ITGAD: variants seen among roughly 807,000 people sequenced by gnomAD.
The protein encoded by ITGAD is integrin alpha-D.
In ITGAD, 105 loss-of-function variants were observed where a neutral mutation model predicts 139.0. The observed-to-expected ratio is 0.76, with a 90% CI of 0.65 to 0.89. The LOEUF is 0.89. Ranked by LOEUF, ITGAD falls within the 40% of genes least tolerant of loss-of-function variation. ITGAD has a pLI of 0.00. For synonymous variants in ITGAD, 569 were observed against 598.3 expected, an observed-to-expected ratio of 0.95 and a Z score of 0.71; for missense variants, 1,384 against 1,487.3, an observed-to-expected ratio of 0.93 and a Z score of 1.14.
intron 23 of ITGAD, among the ~76,000 whole-genome samples, chr16:31,422,177 C>T (rs1313735391): frequency 6.6e-6 from 1 of 151,460 alleles, no homozygotes; most frequent in Non-Finnish European, 1.5e-5. Context: ...TGGGCTCAAG[C>T]GATTCTTCTG....
chr16:31,412,364 T>A (rs532478904), intron 14 of ITGAD, among the ~76,000 whole-genome samples: 1 of 152,146 alleles, frequency 6.6e-6, no homozygotes. Flanking sequence ...TCAATTTCTA[T>A]CTCCACATCT....
At position 31,402,151 on chromosome 16, in the gene ITGAD, T is replaced by C. The variant is rs1256691709; in HGVS notation, c.464T>C (p.Ile155Thr). Residue 155 changes from isoleucine (I) to threonine (T), a missense_variant, in exon 6 of 30, where the codon ATT becomes ACT. By Grantham distance (89) the Ile-to-Thr change is moderately conservative. Transcript: ENST00000389202. ...CAAGAGATGGACATCGTCTTCCTGATTGACGGCTCTGGAAGCATTGACCAA... is the reference window on the plus strand; with the variant it reads ...CAAGAGATGGACATCGTCTTCCTGACTGACGGCTCTGGAAGCATTGACCAA... ...PHQEMDIVFL[I>T]DGSGSIDQND... The C allele has an allele frequency of 4.3e-6, 7 of 1,613,902 alleles. No homozygotes were observed. In the African/African-American group the frequency reaches 5.3e-5, roughly 12 times the overall value.
chr16:31,398,644 C>T (rs1161465044), intron 5 of ITGAD, among the ~76,000 whole-genome samples: 3 of 151,760 alleles, frequency 2.0e-5, no homozygotes, highest in Non-Finnish European at 4.4e-5. Flanking sequence ...TCACACCTGG[C>T]TAATTAAAAA....
rs147164387 is a variant in ITGAD at position 31,400,628 on chromosome 16, G to A, written c.428-1487G>A. On this transcript the variant is annotated intron_variant, in intron 5 of 29. Transcript: ENST00000389202. ...TGGGAATGTTCTTTTTTTTTGAGACGGAGTCTCACTCTGTCGCCCAGGCTG... is the reference window on the plus strand; with the variant it reads ...TGGGAATGTTCTTTTTTTTTGAGACAGAGTCTCACTCTGTCGCCCAGGCTG... 7.0e-3 allele frequency among the ~76,000 whole-genome samples: 1,066 copies of A among 151,920 alleles called. 17 individuals carry two copies. Among genetic ancestry groups the A allele is most frequent in the African/African-American group, 0.024 (1,004 of 41,450 alleles).
chr16:31,417,325 C>T (rs1416018551), intron 20 of ITGAD, among the ~76,000 whole-genome samples: 1 of 151,136 alleles, frequency 6.6e-6, no homozygotes, highest in East Asian at 1.9e-4. Flanking sequence ...ATCCTCCCAC[C>T]TCAGCCCTTA....
rs2081709268 is a variant in ITGAD, at chr16:31,411,424, G to C, written c.1614G>C (p.Val538=). ...GDVNEDKLID[V]AIGAPGEQEN... ...TGAATGAGGACAAGCTGATAGACGT[G>C]GCCATTGGGGCCCCGGGAGAGCAGG... The change falls in exon 14 of 30, where the codon GTG becomes GTC. Residue 538 remains valine, a synonymous_variant. Transcript: ENST00000389202. 6.2e-7 allele frequency: 1 copy of C among 1,613,862 alleles called. No individual in the cohort carries two copies. Among genetic ancestry groups the C allele is most frequent in the Admixed American group, 1.7e-5 (1 of 59,984 alleles).
intron 8 of ITGAD, 46 bp downstream of exon 8, chr16:31,407,714 T>A: frequency 2.5e-6 from 4 of 1,613,136 alleles, no homozygotes; most frequent in Non-Finnish European, 3.4e-6. Flanking sequence ...CTGCATCTCC[T>A]TCAGGTGCAG....
rs2081453560 is a variant in ITGAD at position 31,403,354 on chromosome 16, G to A, written c.559-146G>A. 1.1e-6 allele frequency: 1 copy of A among 873,610 alleles called. No homozygotes were observed. The highest frequency in any genetic ancestry group is 1.7e-5 in the African/African-American group (1 of 59,458). 54.1% of individuals were successfully genotyped at this position (873,610 alleles called of 1,614,324 possible). A position where few individuals can be genotyped will look rare whatever the true frequency, so the allele number is the denominator to read the frequency against. On this transcript the variant is annotated intron_variant, in intron 6 of 29. Transcript: ENST00000389202. This position sits in a 1 kb window ranked among gnomAD's most constrained non-coding sequence, Gnocchi z 4.4. The stretch of plus-strand genomic sequence containing the variant: ...AAAAACAAAGCCAGGCATGTGACGT[G>A]TGCCTGTAGTTCCAGCTACTTGGAG...
chr16:31,408,870 G>A (rs1056587502), intron 10 of ITGAD, among the ~76,000 whole-genome samples: 1 of 152,230 alleles, frequency 6.6e-6, no homozygotes, highest in African/African-American at 2.4e-5. Flanking sequence ...GCAGGACCCA[G>A]GTCCTCGGCG....
rs143840667 is a variant in ITGAD, at chr16:31,418,757, G to A, written c.2780+193G>A. ...GTTTCTGGGCTGGGCGCGGTACCTC[G>A]CGCCTGTAACCCCAGCACTTTGGGA... On this transcript the variant is annotated intron_variant, in intron 23 of 29. Transcript: ENST00000389202. 3.9e-3 allele frequency among the ~76,000 whole-genome samples: 600 copies of A among 152,272 alleles called. 1 individual carries two copies. The highest frequency in any genetic ancestry group is 5.6e-3 in the Non-Finnish European group (381 of 68,008).
intron 5 of ITGAD, among the ~76,000 whole-genome samples, chr16:31,399,301 G>C (rs1482254743): frequency 6.6e-6 from 1 of 152,196 alleles, no homozygotes; most frequent in African/African-American, 2.4e-5. Context: ...ACCCTGCCTG[G>C]CACATAGTAT....
At chr16:31,400,337 AT>A (rs146412769) in intron 5 of ITGAD, among the ~76,000 whole-genome samples, 16 of 149,740 alleles carry the variant, frequency 1.1e-4, no homozygotes, top group South Asian at 4.3e-4. Context: ...AGGAAAAGGC[AT>A]TTTTTTTTTC....
intron 1 of ITGAD, among the ~76,000 whole-genome samples, chr16:31,393,933 C>G (rs1250664767): frequency 6.6e-6 from 1 of 152,040 alleles, no homozygotes; most frequent in African/African-American, 2.4e-5. Flanking sequence ...GAGTTTGTGA[C>G]CAGCCTGGCC....
chr16:31,405,627 A>G (rs1597123391), intron 7 of ITGAD, among the ~76,000 whole-genome samples: 1 of 135,618 alleles, frequency 7.4e-6, no homozygotes, highest in Non-Finnish European at 1.6e-5. Context: ...TAGGTCCACA[A>G]TTTTTTGTTT....
rs1436154501 is a variant in ITGAD at position 31,418,481 on chromosome 16, T to A, written c.2697T>A (p.Ser899Arg). Residue 899 changes from serine (S) to arginine (R), a missense_variant and splice_region_variant, in exon 23 of 30, where the codon AGT becomes AGA. Transcript: ENST00000389202. ...DRMLMRASAS[S>R]ENNKASSSKA... ...ATTGGTCCCTCCTTTCTGTCTCCAG[T>A]GAGAACAATAAGGCTTCAAGCAGCA... 2.5e-6 allele frequency: 4 copies of A among 1,613,536 alleles called. No individual in the cohort carries two copies. The highest frequency in any genetic ancestry group is 3.3e-5 in the Admixed American group (2 of 59,982).
chr16:31,395,069 C>T (rs148433269), intron 2 of ITGAD, among the ~76,000 whole-genome samples: 8 of 152,320 alleles, frequency 5.3e-5, no homozygotes, highest in South Asian at 4.1e-4. Context: ...ATAATCCCAA[C>T]GCTTTGGGAG....
At position 31,407,749 on chromosome 16, in the gene ITGAD, C is replaced by T; in HGVS notation, c.859-17C>T. The stretch of plus-strand genomic sequence containing the variant: ...GTGCTGCTGGGCTCATCCTCCTCGG[C>T]TGTCTCTCTGCTGCAGGTGGGACAC... On this transcript the variant is annotated splice_polypyrimidine_tract_variant and intron_variant, in intron 8 of 29. Coordinates refer to ENST00000389202, the MANE Select transcript of ITGAD (RefSeq NM_005353.3). 1 of 1,613,766 alleles carries T rather than the reference C, an allele frequency of 6.2e-7. No homozygotes were observed. Among genetic ancestry groups the T allele is most frequent in the African/African-American group, 1.3e-5 (1 of 75,040 alleles).
intron 8 of ITGAD, 27 bp downstream of exon 8, chr16:31,407,695 A>G: frequency 6.2e-7 from 1 of 1,613,554 alleles, no homozygotes; most frequent in Non-Finnish European, 8.5e-7. Context: ...CCCCTGCCCC[A>G]GGCTCAGCCT....
intron 1 of ITGAD, among the ~76,000 whole-genome samples, chr16:31,393,718 C>G (rs2081193848): frequency 6.6e-6 from 1 of 152,062 alleles, no homozygotes; most frequent in South Asian, 2.1e-4. Context: ...CAGAAGCCAC[C>G]AGGGAGGGGG....
Sources: allele counts gnomAD v4.1 joint callset (sites outside exome capture counted in the v4.1 genomes callset), GRCh38; gene constraint gnomAD v4.1.1; non-coding constraint Gnocchi (gnomAD v3.1); transcripts MANE v1.5; gene names NCBI Gene and HGNC (gene_info 2026-07-23, HGNC 2026-07-21).